Variants in USP48 observed in about 807,000 individuals in gnomAD.
USP48 encodes the protein ubiquitin carboxyl-terminal hydrolase 48.
USP48 carries 43 observed loss-of-function variants against 150.7 expected under a neutral mutation model. The observed-to-expected ratio is 0.29, with a 90% CI of 0.22 to 0.37. USP48 has a LOEUF of 0.37. Among genes scored for constraint, USP48 ranks in the 10% least tolerant of loss-of-function variants. The pLI, the probability that USP48 is intolerant of heterozygous loss-of-function variation, is 1.00. For missense variants in USP48, 813 were observed against 1,249.6 expected (o/e 0.65, Z 5.27); for synonymous variants, 396 against 425.9 (o/e 0.93, Z 0.86).
At chr1:21,719,957 T>C (rs1416904106) in intron 14 of USP48, among the ~76,000 whole-genome samples, 2 of 152,244 alleles carry the variant, frequency 1.3e-5, no homozygotes, top group East Asian at 1.9e-4. Flanking sequence ...AATGCTTGAA[T>C]GCAGAAAATA....
chr1:21,772,205 G>T (rs1046421669), intron 1 of USP48, among the ~76,000 whole-genome samples: 3 of 151,572 alleles, frequency 2.0e-5, no homozygotes, highest in African/African-American at 4.9e-5. Context: ...GGGAAATCCA[G>T]AAACCATAAA....
At chr1:21,763,307 T>TA (rs1432654929) in intron 1 of USP48, among the ~76,000 whole-genome samples, 1 of 152,172 alleles carries the variant, frequency 6.6e-6, no homozygotes, top group Non-Finnish European at 1.5e-5. Flanking sequence ...TGACCTGTGA[T>TA]AGACTACCAC....
At position 21,778,117 on chromosome 1, in the gene USP48, T is replaced by C. The variant is rs188892475; in HGVS notation, c.134+4707A>G. ...GAGATGGCATCACTGCACTCCAGCCTGGGTGACAGAGTGAGACTCCGTCTG... is the reference window on the plus strand; with the variant it reads ...GAGATGGCATCACTGCACTCCAGCCCGGGTGACAGAGTGAGACTCCGTCTG... On this transcript the variant is annotated intron_variant, in intron 1 of 26. Coordinates refer to ENST00000308271, the MANE Select transcript of USP48 (RefSeq NM_032236.8). Among the ~76,000 whole-genome samples, 975 of 150,096 alleles carry C rather than the reference T, an allele frequency of 6.5e-3. 5 individuals are homozygous for C. Among genetic ancestry groups the C allele is most frequent in the Admixed American group, 0.014 (203 of 15,002 alleles).
At chr1:21,710,800 T>TA (rs34024479) in intron 15 of USP48, among the ~76,000 whole-genome samples, 46,110 of 145,286 alleles carry the variant, frequency 0.32, 8,509 homozygotes, top group Non-Finnish European at 0.43. Context: ...AATAAAGAAT[T>TA]AAAAAAAAAA....
At chr1:21,741,284 T>A (rs1220810317) in intron 8 of USP48, among the ~76,000 whole-genome samples, 3 of 151,524 alleles carry the variant, frequency 2.0e-5, no homozygotes, top group South Asian at 2.1e-4. Context: ...AAAGAAGAGG[T>A]CTTAAAATTA....
At chr1:21,747,576 C>CTT (rs112316099) in intron 7 of USP48, among the ~76,000 whole-genome samples, 3 of 147,988 alleles carry the variant, frequency 2.0e-5, no homozygotes, top group African/African-American at 7.4e-5. Context: ...GTTTTTCTTT[C>CTT]TTTTTTTTTT....
intron 1 of USP48, 109 bp downstream of exon 1, chr1:21,782,715 G>T: frequency 7.2e-7 from 1 of 1,389,702 alleles, no homozygotes; most frequent in Non-Finnish European, 9.3e-7. Context: ...GCTCGGCTCC[G>T]CGCCTCCCAA....
At chr1:21,762,766 T>G (rs1157386702) in intron 1 of USP48, among the ~76,000 whole-genome samples, 1 of 149,006 alleles carries the variant, frequency 6.7e-6, no homozygotes, top group Non-Finnish European at 1.5e-5. Flanking sequence ...CTCAGGAGGC[T>G]GAGGCAGGAG....
intron 14 of USP48, among the ~76,000 whole-genome samples, chr1:21,718,299 C>T (rs1194037880): frequency 6.6e-6 from 1 of 152,164 alleles, no homozygotes; most frequent in African/African-American, 2.4e-5. Flanking sequence ...GAGAGATGTA[C>T]AACTGTGCCC....
Position 21,706,514 on chromosome 1 carries a change from T to G in USP48, c.2164A>C (p.Asn722His), listed in dbSNP as rs368720845. 5.0e-6 allele frequency: 8 copies of G among 1,614,032 alleles called. No individual in the cohort carries two copies. Among genetic ancestry groups the G allele is most frequent in the African/African-American group, 1.3e-5 (1 of 74,900 alleles). The change falls in exon 17 of 27, where the codon AAT (asparagine) becomes CAT (histidine). Residue 722 changes from asparagine to histidine, a missense_variant. Asn to His is a moderately conservative substitution (Grantham distance 68). Coordinates refer to ENST00000308271, the MANE Select transcript of USP48 (RefSeq NM_032236.8). ...GGTCTGTTTTTATCCTGGAACAAATTTGGGAGAGAAGTCTTTTGCTCGTTT... is the reference window on the plus strand; with the variant it reads ...GGTCTGTTTTTATCCTGGAACAAATGTGGGAGAGAAGTCTTTTGCTCGTTT... ...IANEQKTSLP[N>H]LFQDKNRPCL...
chr1:21,759,948 GAA>G lies in USP48; in HGVS notation c.135-2167_135-2166del, dbSNP rs2097846116. 2.6e-5 allele frequency among the ~76,000 whole-genome samples: 4 copies of G among 152,300 alleles called. No individual in the cohort carries two copies. The South Asian group carries it at 8.3e-4, about 32-fold the overall frequency. On this transcript the variant is annotated intron_variant, in intron 1 of 26. Coordinates refer to ENST00000308271, the MANE Select transcript of USP48 (RefSeq NM_032236.8). ...TCTCAGAAAAAGTTAATTACAAAGGGAAAGATAATAACTTTCAGTGGAGAAAC... is the reference window on the plus strand; with the variant it reads ...TCTCAGAAAAAGTTAATTACAAAGGGAGATAATAACTTTCAGTGGAGAAAC...
At chr1:21,719,030 G>A (rs1053725429) in intron 14 of USP48, among the ~76,000 whole-genome samples, 4 of 151,966 alleles carry the variant, frequency 2.6e-5, no homozygotes, top group African/African-American at 7.3e-5. Context: ...ACTTTGGGAG[G>A]CCAAGGTGGG....
At chr1:21,711,337 A>G (rs2097689585) in intron 15 of USP48, among the ~76,000 whole-genome samples, 1 of 152,136 alleles carries the variant, frequency 6.6e-6, no homozygotes, top group African/African-American at 2.4e-5. Context: ...TGGAAAGTCT[A>G]TTTAAGAAGT....
intron 19 of USP48, among the ~76,000 whole-genome samples, chr1:21,705,209 C>T (rs2097668744): frequency 6.6e-6 from 1 of 152,068 alleles, no homozygotes; most frequent in African/African-American, 2.4e-5. Context: ...TCTACCTTCT[C>T]GTATATCACG....
At chr1:21,744,654 G>A (rs1297410795) in intron 8 of USP48, among the ~76,000 whole-genome samples, 8 of 149,982 alleles carry the variant, frequency 5.3e-5, no homozygotes, top group African/African-American at 2.0e-4. Flanking sequence ...GCAGGCGCCT[G>A]TAATCCCAGC....
At chr1:21,681,579 T>TA (rs1378550579) in intron 25 of USP48, among the ~76,000 whole-genome samples, 1 of 152,106 alleles carries the variant, frequency 6.6e-6, no homozygotes, top group Non-Finnish European at 1.5e-5. Flanking sequence ...TAATTTTAGA[T>TA]AAAAATCTAA....
intron 25 of USP48, among the ~76,000 whole-genome samples, chr1:21,683,917 T>C (rs561213567): frequency 6.6e-6 from 1 of 152,342 alleles, no homozygotes; most frequent in African/African-American, 2.4e-5. Context: ...TCACTTAACA[T>C]AATGTCCTCC....
intron 6 of USP48, among the ~76,000 whole-genome samples, chr1:21,750,048 T>C (rs1402675288): frequency 6.6e-6 from 1 of 152,150 alleles, no homozygotes; most frequent in Non-Finnish European, 1.5e-5. Context: ...GCACCCATAG[T>C]TATCCCTTAA....
Position 21,705,601 on chromosome 1 carries a change from A to C in USP48, c.2384+126T>G, listed in dbSNP as rs532362770. 17 of 665,072 alleles carry C rather than the reference A, an allele frequency of 2.6e-5. No individual in the cohort carries two copies. The East Asian group carries it at 5.5e-4, about 21-fold the overall frequency. 41.2% of individuals were successfully genotyped at this position (665,072 alleles called of 1,614,324 possible). On this transcript the variant is annotated intron_variant, in intron 19 of 26. Coordinates refer to ENST00000308271, the MANE Select transcript of USP48 (RefSeq NM_032236.8). Reference sequence around the variant, plus strand: ...TTTTAAAAGGGGAAAAAAAAACCCCACAATTCAGCAAAGGACTAAATTCTT... The same window carrying C: ...TTTTAAAAGGGGAAAAAAAAACCCCCCAATTCAGCAAAGGACTAAATTCTT...
Sources: gnomAD v4.1 joint callset for allele counts (sites outside exome capture counted in the v4.1 genomes callset) on GRCh38, gnomAD v4.1.1 for gene constraint, MANE v1.5 for transcripts, NCBI Gene and HGNC (gene_info 2026-07-23, HGNC 2026-07-21) for gene names.